Variants in BCKDHA observed in about 807,000 individuals in gnomAD.
BCKDHA encodes 2-oxoisovalerate dehydrogenase subunit alpha, mitochondrial.
In BCKDHA, 43 loss-of-function variants were observed where a neutral mutation model predicts 52.2. That is an observed-to-expected ratio of 0.82 (90% CI 0.64 to 1.06). The LOEUF is 1.06. Among genes scored for constraint, BCKDHA ranks in the 50% least tolerant of loss-of-function variants. The pLI, the probability that BCKDHA is intolerant of heterozygous loss-of-function variation, is 0.00. For missense variants in BCKDHA, 527 were observed against 621.3 expected, an observed-to-expected ratio of 0.85 and a Z score of 1.61; for synonymous variants, 234 against 247.9, an observed-to-expected ratio of 0.94 and a Z score of 0.53.
In BCKDHA at chr19:41,397,934, C is replaced by T. The variant is rs939534836; in HGVS notation, c.107C>T (p.Ser36Phe). The change falls in exon 1 of 9, where the codon TCT becomes TTT. Residue 36 changes from serine (S) to phenylalanine (F), a missense_variant and splice_region_variant. Physicochemically the swap from Ser to Phe is radical, Grantham distance 155. Transcript: ENST00000269980. Reference sequence around the variant, plus strand: ...CCTGGGGCTCGGGGACTGGCTAGATCTGTGAGTACCTGGGCCCCAGGCGGT... The same window carrying T: ...CCTGGGGCTCGGGGACTGGCTAGATTTGTGAGTACCTGGGCCCCAGGCGGT... ...RQPGARGLAR[S>F]HPPRQQQQFS... 9.3e-6 allele frequency: 15 copies of T among 1,613,340 alleles called. No individual in the cohort carries two copies. The highest frequency in any genetic ancestry group is 1.3e-5 in the Non-Finnish European group (15 of 1,179,510).
intron 4 of BCKDHA, among the ~76,000 whole-genome samples, chr19:41,415,890 G>A (rs931389936): frequency 6.8e-6 from 1 of 146,624 alleles, no homozygotes; most frequent in Non-Finnish European, 1.5e-5. Flanking sequence ...CTTGCGATCC[G>A]CCCTCCTCCA....
intron 1 of BCKDHA, among the ~76,000 whole-genome samples, chr19:41,405,288 A>C (rs991421626): frequency 8.6e-5 from 13 of 151,852 alleles, no homozygotes; most frequent in Admixed American, 8.5e-4. Context: ...TTTCTTTAAA[A>C]ATTTTTTCTT....
chr19:41,408,687 G>A (rs1001727162), intron 1 of BCKDHA, among the ~76,000 whole-genome samples: 1 of 151,946 alleles, frequency 6.6e-6, no homozygotes, highest in Non-Finnish European at 1.5e-5. Flanking sequence ...GTGTGATCAT[G>A]GCTTACTGCA....
At chr19:41,400,802 G>A (rs2039131000) in intron 1 of BCKDHA, among the ~76,000 whole-genome samples, 1 of 151,046 alleles carries the variant, frequency 6.6e-6, no homozygotes, top group Non-Finnish European at 1.5e-5. Flanking sequence ...CTGAGGCCAG[G>A]AGTTCAAGAC....
intron 5 of BCKDHA, among the ~76,000 whole-genome samples, chr19:41,419,746 CTTTTTTTTTTTTTTTTT>C (rs201343587): frequency 1.0e-4 from 13 of 127,850 alleles, no homozygotes; most frequent in African/African-American, 2.1e-4. Context: ...GCCCAGCCCA[CTTTTTTTTTTTTTTTTT>C]TTTTTTTTTT....
At chr19:41,424,273 G>T (rs1409367776) in intron 8 of BCKDHA, among the ~76,000 whole-genome samples, 165 bp from the exon 9 acceptor site, 1 of 152,194 alleles carries the variant, frequency 6.6e-6, no homozygotes. Flanking sequence ...ATCCCTGCTG[G>T]GATTTGAGGG....
chr19:41,406,156 G>C (rs1215327936), intron 1 of BCKDHA, among the ~76,000 whole-genome samples: 3 of 152,146 alleles, frequency 2.0e-5, no homozygotes, highest in Non-Finnish European at 1.5e-5. Context: ...GCCCAGCAAA[G>C]AGGGGAGGAG....
At chr19:41,409,631 A>G (rs1286811257) in intron 1 of BCKDHA, among the ~76,000 whole-genome samples, 1 of 152,052 alleles carries the variant, frequency 6.6e-6, no homozygotes, top group Non-Finnish European at 1.5e-5. Context: ...AGAATTGCTA[A>G]GATTGTTTTG....
chr19:41,419,878 C>T (rs1407512831), intron 5 of BCKDHA, among the ~76,000 whole-genome samples: 1 of 151,650 alleles, frequency 6.6e-6, no homozygotes, highest in African/African-American at 2.4e-5. Flanking sequence ...AGTGATTCTC[C>T]TGCCTTAGCC....
At chr19:41,414,387 T>A (rs1377331667) in intron 4 of BCKDHA, among the ~76,000 whole-genome samples, 1 of 152,176 alleles carries the variant, frequency 6.6e-6, no homozygotes, top group Admixed American at 6.5e-5. Context: ...AACCCTTTGT[T>A]ACCAGTTGTC....
At chr19:41,404,751 G>A (rs556505381) in intron 1 of BCKDHA, among the ~76,000 whole-genome samples, 1 of 151,952 alleles carries the variant, frequency 6.6e-6, no homozygotes, top group South Asian at 2.1e-4. Flanking sequence ...GTGCCACCAC[G>A]CCTGGCTAAT....
At chr19:41,414,010 T>C in intron 3 of BCKDHA, 39 bp from the exon 4 acceptor site, 2 of 1,549,552 alleles carry the variant, frequency 1.3e-6, no homozygotes, top group Non-Finnish European at 1.8e-6. Context: ...TTGCCCAGCA[T>C]AACCAATTGT....
intron 8 of BCKDHA, 35 bp from the exon 9 acceptor site, chr19:41,424,403 C>G (rs1423199425): frequency 1.9e-6 from 3 of 1,612,480 alleles, no homozygotes; most frequent in Non-Finnish European, 2.5e-6. Context: ...GCATGGGAGG[C>G]CGGCTAGCCT....
At position 41,410,851 on chromosome 19, in the gene BCKDHA, C is replaced by T. The variant is rs373438406; in HGVS notation, c.288+35C>T. 8.1e-6 allele frequency: 13 copies of T among 1,613,680 alleles called. No individual in the cohort carries two copies. The African/African-American group carries it at 1.6e-4, about 20-fold the overall frequency. On this transcript the variant is annotated intron_variant, in intron 2 of 8. Transcript: ENST00000269980. Reference sequence around the variant, plus strand: ...GGCCTCCCCCACTTCCCGTGCCCCCCACGCCCAGGCCCCTTGCCTGTCTCC... The same window carrying T: ...GGCCTCCCCCACTTCCCGTGCCCCCTACGCCCAGGCCCCTTGCCTGTCTCC...
At chr19:41,406,121 C>A (rs2039189997) in intron 1 of BCKDHA, among the ~76,000 whole-genome samples, 1 of 152,146 alleles carries the variant, frequency 6.6e-6, no homozygotes, top group Non-Finnish European at 1.5e-5. Flanking sequence ...AACCCTGGGG[C>A]TGGGGACTAC....
intron 1 of BCKDHA, among the ~76,000 whole-genome samples, chr19:41,408,308 A>G (rs2039215470): frequency 7.1e-6 from 1 of 141,736 alleles, no homozygotes; most frequent in Admixed American, 7.2e-5. Context: ...AGGTTATTTT[A>G]CCTCCCCAGG....
chr19:41,422,457 C>T, intron 6 of BCKDHA, 87 bp downstream of exon 6: 9 of 1,584,384 alleles, frequency 5.7e-6, no homozygotes, highest in Non-Finnish European at 7.8e-6. Flanking sequence ...CCCCTACCCT[C>T]CTTCCTGGTT....
chr19:41,418,634 C>A, intron 4 of BCKDHA: 1 of 398,686 alleles, frequency 2.5e-6, no homozygotes. Flanking sequence ...TGGGCTGAAG[C>A]AATCCTCTGC....
chr19:41,419,355 G>C, intron 5 of BCKDHA, 59 bp downstream of exon 5: 1 of 1,556,782 alleles, frequency 6.4e-7, no homozygotes, highest in African/African-American at 1.4e-5. Context: ...CCCCTGTCCA[G>C]GCCTCAGCTC....
Sources: allele counts gnomAD v4.1 joint callset (sites outside exome capture counted in the v4.1 genomes callset), GRCh38; gene constraint gnomAD v4.1.1; transcripts MANE v1.5; gene names NCBI Gene and HGNC (gene_info 2026-07-23, HGNC 2026-07-21).